RIMBP2: variants seen among roughly 807,000 people sequenced by gnomAD.
The protein encoded by RIMBP2 is RIMS binding protein 2.
Under a neutral mutation model 118.6 loss-of-function variants are expected in RIMBP2, and 48 were observed. That is an observed-to-expected ratio of 0.40 (90% CI 0.32 to 0.51). RIMBP2 has a LOEUF of 0.51. Among genes scored for constraint, RIMBP2 ranks in the 20% least tolerant of loss-of-function variants. The pLI, the probability that RIMBP2 is intolerant of heterozygous loss-of-function variation, is 0.41. For synonymous variants in RIMBP2, 762 were observed against 742.9 expected, an observed-to-expected ratio of 1.03 and a Z score of -0.42; for missense variants, 1,551 against 1,768.3, an observed-to-expected ratio of 0.88 and a Z score of 2.20.
Position 130,437,311 on chromosome 12 carries a change from G to C in RIMBP2, c.1657-20C>G. The C allele has an allele frequency of 6.5e-7, 1 of 1,549,858 alleles. No homozygotes were observed. The highest frequency in any genetic ancestry group is 8.7e-7 in the Non-Finnish European group (1 of 1,154,822). On this transcript the variant is annotated intron_variant, in intron 12 of 22. Coordinates refer to ENST00000690449, the MANE Select transcript of RIMBP2 (RefSeq NM_001393629.1). ...AGCCACCTGTGGACAAGCAGAGCTG[G>C]CTCGCGGGCTGCCCGAGGTGAGCCC...
chr12:130,582,382 G>GC (rs2058538133), intron 2 of RIMBP2, among the ~76,000 whole-genome samples: 1 of 152,196 alleles, frequency 6.6e-6, no homozygotes, highest in African/African-American at 2.4e-5. Flanking sequence ...AGAGAAGTCA[G>GC]ACTGTTTGCC....
chr12:130,465,621 C>T (rs569889378), intron 6 of RIMBP2: 11 of 152,332 alleles, frequency 7.2e-5, no homozygotes, highest in South Asian at 4.1e-4. Context: ...CTCTGTGCCC[C>T]GATTGCCTAA....
intron 2 of RIMBP2, among the ~76,000 whole-genome samples, chr12:130,567,041 A>G (rs2057271123): frequency 1.3e-5 from 2 of 152,218 alleles, no homozygotes; most frequent in Non-Finnish European, 2.9e-5. Flanking sequence ...AGAAAGGCAT[A>G]GCGAAGATGA....
intron 21 of RIMBP2, among the ~76,000 whole-genome samples, chr12:130,405,437 A>G (rs2075069323): frequency 6.6e-6 from 1 of 152,146 alleles, no homozygotes; most frequent in African/African-American, 2.4e-5. Flanking sequence ...GCAGGTGGAA[A>G]CACATGTGCA....
intron 1 of RIMBP2, among the ~76,000 whole-genome samples, chr12:130,629,540 G>A (rs780670834): frequency 1.3e-5 from 2 of 152,154 alleles, no homozygotes; most frequent in Non-Finnish European, 2.9e-5. Flanking sequence ...TAATGAGGGA[G>A]CTCAGGACTC....
chr12:130,708,579 A>C (rs2632611), intron 1 of RIMBP2, among the ~76,000 whole-genome samples: 145,102 of 151,934 alleles, frequency 0.96, 69,664 homozygotes, highest in East Asian at 1. Flanking sequence ...CCCAGATACA[A>C]AGGATGCTGA....
chr12:130,489,916 G>A (rs1330685362), intron 4 of RIMBP2, among the ~76,000 whole-genome samples: 1 of 152,064 alleles, frequency 6.6e-6, no homozygotes, highest in Non-Finnish European at 1.5e-5. Context: ...ACAAGGTCAG[G>A]AGATCGAGAC....
intron 3 of RIMBP2, among the ~76,000 whole-genome samples, chr12:130,508,115 A>G (rs1388216732): frequency 1.3e-5 from 2 of 152,156 alleles, no homozygotes; most frequent in Non-Finnish European, 2.9e-5. Flanking sequence ...ACCTATTTGA[A>G]TTAAACCACC....
At position 130,396,754 on chromosome 12, in the gene RIMBP2, C is replaced by T. The variant is rs2074105436; in HGVS notation, c.*607G>A. On this transcript the variant is annotated 3_prime_UTR_variant, in exon 23 of 23. Coordinates refer to ENST00000690449, the MANE Select transcript of RIMBP2 (RefSeq NM_001393629.1). ...TTGAGTAAACATTTTCTGTGTGTAG[C>T]CTGGCTGGCTTTGAAAGACTGAAAC... 1.3e-5 allele frequency: 2 copies of T among 152,584 alleles called. No individual in the cohort carries two copies. The highest frequency in any genetic ancestry group is 4.8e-5 in the African/African-American group (2 of 41,438). 9.5% of individuals were successfully genotyped at this position (152,584 alleles called of 1,614,324 possible). A position where few individuals can be genotyped will look rare whatever the true frequency, so the allele number is the denominator to read the frequency against.
Position 130,512,745 on chromosome 12 carries a change from C to T in RIMBP2, c.-127+5083G>A, listed in dbSNP as rs553033269. On this transcript the variant is annotated intron_variant, in intron 3 of 22. Coordinates refer to ENST00000690449, the MANE Select transcript of RIMBP2 (RefSeq NM_001393629.1). ...GACAAAGATGACTCAGAGATTTTCA[C>T]TAAGACACACAACCAAAGAAAAAAC... 1.6e-4 allele frequency among the ~76,000 whole-genome samples: 24 copies of T among 152,340 alleles called. 3 individuals carry two copies. In the South Asian group the frequency reaches 5.0e-3, roughly 32 times the overall value.
chr12:130,544,128 T>G (rs1224388736), intron 2 of RIMBP2, among the ~76,000 whole-genome samples: 2 of 152,186 alleles, frequency 1.3e-5, no homozygotes, highest in Non-Finnish European at 2.9e-5. Context: ...TGTCTCTCCA[T>G]TTATCCATAT....
rs2076655269 is a variant in RIMBP2, at chr12:130,424,648, C to T, written c.2623G>A (p.Gly875Ser). 2 of 1,231,842 alleles carry T rather than the reference C, an allele frequency of 1.6e-6. No homozygotes were observed. Among genetic ancestry groups the T allele is most frequent in the Non-Finnish European group, 2.0e-6 (2 of 987,838 alleles). 76.3% of individuals were successfully genotyped at this position (1,231,842 alleles called of 1,614,324 possible). The change falls in exon 16 of 23, where the codon GGC becomes AGC. Residue 875 changes from glycine to serine, a missense_variant. Physicochemically the swap from Gly to Ser is moderately conservative, Grantham distance 56. This residue lies in a region of RIMBP2 where 1,038 missense variants were observed against 1,125.1 expected (regional missense o/e 0.92). Transcript: ENST00000690449. This position sits in a 1 kb window ranked among gnomAD's most constrained non-coding sequence, Gnocchi z 9.8. ...CAGGAGCCCCGAGGGGCCTCGTCGCCCCTGTAGGGCCTGCCGGGCCTGGGC... is the reference window on the plus strand; with the variant it reads ...CAGGAGCCCCGAGGGGCCTCGTCGCTCCTGTAGGGCCTGCCGGGCCTGGGC... ...REPRPGRPYR[G>S]DEAPRGSWFP...
intron 2 of RIMBP2, among the ~76,000 whole-genome samples, chr12:130,577,081 C>T (rs937064900): frequency 2.0e-5 from 3 of 152,170 alleles, no homozygotes; most frequent in African/African-American, 7.2e-5. Context: ...CCTTTCTCCA[C>T]TAAGCGCTGT....
At chr12:130,445,052 C>T (rs1324481988) in intron 10 of RIMBP2, 108 bp downstream of exon 10, 3 of 687,578 alleles carry the variant, frequency 4.4e-6, no homozygotes, top group East Asian at 2.7e-5. Context: ...GGCTGGGTGG[C>T]CAGGAGTATG....
intron 2 of RIMBP2, among the ~76,000 whole-genome samples, chr12:130,596,026 G>A (rs1420656372): frequency 2.6e-5 from 4 of 152,208 alleles, no homozygotes; most frequent in African/African-American, 9.7e-5. Flanking sequence ...ATGGTAGAAA[G>A]ACATCCCAGT....
Position 130,428,049 on chromosome 12 carries a change from A to G in RIMBP2, c.2412+130T>C, listed in dbSNP as rs963134574. The G allele has an allele frequency of 2.7e-5, 22 of 817,726 alleles. No individual in the cohort carries two copies. The East Asian group carries it at 6.2e-4, about 23-fold the overall frequency. 50.7% of individuals were successfully genotyped at this position (817,726 alleles called of 1,614,324 possible). A position where few individuals can be genotyped will look rare whatever the true frequency, so the allele number is the denominator to read the frequency against. On this transcript the variant is annotated intron_variant, in intron 15 of 22. Transcript: ENST00000690449. ...AGATTCAATAGTGAGAAAGAAGCGA[A>G]TCCAAATCCGAGGGCTACTGGTTGT...
At chr12:130,590,307 G>A (rs1283790629) in intron 2 of RIMBP2, among the ~76,000 whole-genome samples, 4 of 152,106 alleles carry the variant, frequency 2.6e-5, no homozygotes, top group East Asian at 1.9e-4. Context: ...GACAACACAC[G>A]TAATTGCTCC....
intron 6 of RIMBP2, among the ~76,000 whole-genome samples, chr12:130,464,288 C>T (rs1286449522): frequency 2.6e-5 from 4 of 152,220 alleles, no homozygotes; most frequent in Non-Finnish European, 5.9e-5. Context: ...GGGTCTGGAT[C>T]GAGGCTGCTT....
intron 6 of RIMBP2, chr12:130,470,279 A>C (rs1593421646): frequency 6.1e-6 from 1 of 163,964 alleles, no homozygotes; most frequent in East Asian, 1.7e-4. Flanking sequence ...AAGGTACCCC[A>C]AGGCAGTTCA....
Sources: gnomAD v4.1 joint callset for allele counts (sites outside exome capture counted in the v4.1 genomes callset) on GRCh38, gnomAD v4.1.1 for gene constraint, gnomAD v4.1.1 regional missense constraint, Gnocchi (gnomAD v3.1) non-coding constraint, MANE v1.5 for transcripts, NCBI Gene and HGNC (gene_info 2026-07-23, HGNC 2026-07-21) for gene names.